The following SLC7A9 variants were observed in gnomAD, a reference collection of about 807,000 sequenced individuals.
SLC7A9 encodes the protein B(0,+)-type amino acid transporter 1.
In SLC7A9, 38 loss-of-function variants were observed where a neutral mutation model predicts 54.1. That is an observed-to-expected ratio of 0.70 (90% confidence interval 0.54 to 0.92). The LOEUF is 0.92. Among genes scored for constraint, SLC7A9 ranks in the 40% least tolerant of loss-of-function variants. SLC7A9 has a pLI of 0.00. For synonymous variants in SLC7A9, 264 were observed against 258.9 expected (o/e 1.02, Z -0.19); for missense variants, 537 against 636.1 (o/e 0.84, Z 1.68).
intron 7 of SLC7A9, 120 bp downstream of exon 7, chr19:32,860,482 AAAAG>A (rs900186509): frequency 2.0e-6 from 3 of 1,533,946 alleles, no homozygotes; most frequent in South Asian, 1.3e-5. Flanking sequence ...AAAAAAAAAA[AAAAG>A]AAATAATTCA....
Position 32,859,870 on chromosome 19 carries a change from C to T in SLC7A9, c.844G>A (p.Glu282Lys), listed in dbSNP as rs373579480. The change falls in exon 8 of 13, where the codon GAA becomes AAA. Residue 282 changes from glutamate to lysine, a missense_variant. Glu to Lys is a moderately conservative substitution (Grantham distance 56). Transcript: ENST00000023064. The part of the protein sequence containing the change: ...VSYFTVMTAT[E>K]LLQSQAVAVT... ...GCCACCGCCTGGGACTGCAGGAGTT[C>T]GGTGGCAGTCATCACGGTGAAGTAG... 2.0e-5 allele frequency: 33 copies of T among 1,613,984 alleles called. No homozygotes were observed. Among genetic ancestry groups the T allele is most frequent in the Non-Finnish European group, 2.7e-5 (32 of 1,180,012 alleles).
At chr19:32,840,145 T>C (rs922404484) in intron 11 of SLC7A9, among the ~76,000 whole-genome samples, 3 of 152,164 alleles carry the variant, frequency 2.0e-5, no homozygotes, top group Non-Finnish European at 4.4e-5. Flanking sequence ...TTCTGTTTCC[T>C]AGCATGTTTC....
chr19:32,842,679 C>G (rs1968163662), intron 10 of SLC7A9, among the ~76,000 whole-genome samples: 1 of 151,964 alleles, frequency 6.6e-6, no homozygotes, highest in Admixed American at 6.6e-5. Context: ...GTGGCGTGAT[C>G]TCGGTTGACT....
intron 9 of SLC7A9, among the ~76,000 whole-genome samples, chr19:32,847,381 TGAA>T (rs1968330359): frequency 6.6e-6 from 1 of 151,928 alleles, no homozygotes; most frequent in South Asian, 2.1e-4. Context: ...GAGAACTACG[TGAA>T]GAATGCAGAA....
intron 9 of SLC7A9, among the ~76,000 whole-genome samples, chr19:32,854,087 A>G (rs1968548794): frequency 6.6e-6 from 1 of 150,624 alleles, no homozygotes; most frequent in Admixed American, 6.6e-5. Context: ...ATCTCAGCTC[A>G]CTGCAGCCTC....
At chr19:32,855,669 T>G (rs1309407447) in intron 9 of SLC7A9, among the ~76,000 whole-genome samples, 1 of 151,448 alleles carries the variant, frequency 6.6e-6, no homozygotes, top group Non-Finnish European at 1.5e-5. Context: ...GCCACTGCAC[T>G]CCAGCCTGGG....
chr19:32,834,217 C>G (rs1312366119), intron 11 of SLC7A9, among the ~76,000 whole-genome samples: 1 of 152,196 alleles, frequency 6.6e-6, no homozygotes, highest in Admixed American at 6.5e-5. Context: ...TCTTTGTTTT[C>G]TGGGTGACAA....
At chr19:32,860,782 TG>T in intron 6 of SLC7A9, 132 bp from the exon 7 acceptor site, 1 of 1,296,858 alleles carries the variant, frequency 7.7e-7, no homozygotes, top group South Asian at 1.3e-5. Context: ...GAATTCCAGG[TG>T]AATTTTTTTC....
chr19:32,837,316 GA>G, intron 11 of SLC7A9, among the ~76,000 whole-genome samples: 1 of 152,066 alleles, frequency 6.6e-6, no homozygotes, highest in South Asian at 2.1e-4. Flanking sequence ...CCCACATGGC[GA>G]AACCCCATGT....
chr19:32,862,554 G>T lies in SLC7A9; in HGVS notation c.511C>A (p.Arg171=), dbSNP rs758242098. The change falls in exon 5 of 13, where the codon CGG becomes AGG. Residue 171 remains arginine (R), a synonymous_variant. Transcript: ENST00000023064. ...ATGTTCTGGACGTAGCTTCCCAGCC[G>T]CACGCTCAGTGAGTTCACTGTCGAG... is the stretch of plus-strand genomic sequence containing the variant. ...FISTVNSLSV[R]LGSYVQNIFT... 10 of 1,613,922 alleles carry T rather than the reference G, an allele frequency of 6.2e-6. No homozygotes were observed. The highest frequency in any genetic ancestry group is 8.5e-6 in the Non-Finnish European group (10 of 1,180,002).
intron 2 of SLC7A9, among the ~76,000 whole-genome samples, chr19:32,865,675 G>T (rs1968945389): frequency 1.3e-5 from 2 of 152,182 alleles, no homozygotes; most frequent in Admixed American, 1.3e-4. Context: ...CAGCACTAAA[G>T]AGCTGTACAT....
At position 32,830,552 on chromosome 19, in the gene SLC7A9, A is replaced by G; in HGVS notation, c.*68T>C. On this transcript the variant is annotated 3_prime_UTR_variant, in exon 13 of 13. Coordinates refer to ENST00000023064, the MANE Select transcript of SLC7A9 (RefSeq NM_014270.5). ...ATATTTTATTCGTAAGAAAAAAAGG[A>G]AGAAATAACCACAAATATTGCTTAA... 1 of 1,207,832 alleles carries G rather than the reference A, an allele frequency of 8.3e-7. No homozygotes were observed. The highest frequency in any genetic ancestry group is 1.2e-6 in the Non-Finnish European group (1 of 810,464). 74.8% of individuals were successfully genotyped at this position (1,207,832 alleles called of 1,614,324 possible).
At chr19:32,858,916 G>C (rs1040024684) in intron 8 of SLC7A9, among the ~76,000 whole-genome samples, 1 of 151,512 alleles carries the variant, frequency 6.6e-6, no homozygotes, top group Non-Finnish European at 1.5e-5. Context: ...AGCCTCCCAA[G>C]TAGCTGGGAT....
intron 8 of SLC7A9, among the ~76,000 whole-genome samples, 182 bp downstream of exon 8, chr19:32,859,659 G>A (rs757189638): frequency 2.6e-5 from 4 of 152,112 alleles, no homozygotes; most frequent in East Asian, 3.9e-4. Context: ...CTTGCCTGCC[G>A]AACCCTCACC....
In SLC7A9 at chr19:32,865,381, G is replaced by C. The variant is rs111251131; in HGVS notation, c.88-605C>G. 7.9e-3 allele frequency among the ~76,000 whole-genome samples: 1,198 copies of C among 152,352 alleles called. 11 individuals are homozygous for C. Among genetic ancestry groups the C allele is most frequent in the Middle Eastern group, 0.024 (7 of 294 alleles). On this transcript the variant is annotated intron_variant, in intron 2 of 12. Transcript: ENST00000023064. The stretch of plus-strand genomic sequence containing the variant: ...CACAGAGGTGAGATCATGGCTCACT[G>C]CAGCCTCGAACTCCTGGGCTCAAAC...
At chr19:32,831,091 G>C (rs7253612) in intron 12 of SLC7A9, among the ~76,000 whole-genome samples, 69,860 of 151,208 alleles carry the variant, frequency 0.46, 17,219 homozygotes, top group East Asian at 0.72. Flanking sequence ...TGCCCAGGAA[G>C]TCTTAAAGGC....
chr19:32,864,301 G>T lies in SLC7A9; in HGVS notation c.273C>A (p.Thr91=). Reference sequence around the variant, plus strand: ...GGTAGGGATACTCTCCCCCTGACTTGGTGATCATTGTGCCAAGCTCCGCAA... The same window carrying T: ...GGTAGGGATACTCTCCCCCTGACTTTGTGATCATTGTGCCAAGCTCCGCAA... ...LCFAELGTMI[T]KSGGEYPYLM... The change falls in exon 4 of 13, where the codon ACC becomes ACA. Residue 91 remains threonine, a synonymous_variant. Transcript: ENST00000023064. The T allele has an allele frequency of 6.2e-7, 1 of 1,614,062 alleles. No homozygotes were observed. Among genetic ancestry groups the T allele is most frequent in the Non-Finnish European group, 8.5e-7 (1 of 1,179,990 alleles).
intron 4 of SLC7A9, among the ~76,000 whole-genome samples, chr19:32,863,655 G>A (rs1395308047): frequency 6.6e-6 from 1 of 152,098 alleles, no homozygotes; most frequent in African/African-American, 2.4e-5. Context: ...GCCACTGCCT[G>A]CGGCCCACCC....
intron 9 of SLC7A9, among the ~76,000 whole-genome samples, chr19:32,845,599 G>C (rs1362019158): frequency 1.3e-5 from 2 of 152,314 alleles, no homozygotes; most frequent in African/African-American, 2.4e-5. Context: ...AACATTACAA[G>C]TTATAATCTT....
Sources: allele counts gnomAD v4.1 joint callset (sites outside exome capture counted in the v4.1 genomes callset), GRCh38; gene constraint gnomAD v4.1.1; transcripts MANE v1.5; gene names NCBI Gene and HGNC (gene_info 2026-07-23, HGNC 2026-07-21).